Variants in ASH1L observed in about 807,000 individuals in gnomAD.
ASH1L encodes ASH1 like histone lysine methyltransferase, also known as histone-lysine N-methyltransferase ASH1L.
A neutral mutation model predicts 269.0 loss-of-function variants in ASH1L; 23 were observed. That is an observed-to-expected ratio of 0.09 (90% CI 0.06 to 0.12). The LOEUF (loss-of-function observed/expected upper bound fraction) is 0.12. Among genes scored for constraint, ASH1L ranks in the 10% least tolerant of loss-of-function variants. The pLI, the probability that ASH1L is intolerant of heterozygous loss-of-function variation, is 1.00. For missense variants in ASH1L, 2,912 were observed against 3,567.8 expected, an observed-to-expected ratio of 0.82 and a Z score of 4.68; for synonymous variants, 1,187 against 1,253.5, an observed-to-expected ratio of 0.95 and a Z score of 1.12.
rs541945534 is a variant in ASH1L, at chr1:155,475,020, T to C, written c.4984+2866A>G. Among the ~76,000 whole-genome samples the C allele has an allele frequency of 5.9e-5, 9 of 152,352 alleles. No homozygotes were observed. In the East Asian group the frequency reaches 1.7e-3, roughly 29 times the overall value. Reference sequence around the variant, plus strand: ...ATTCTTAACACATTGTTTGGTCTCTTCTTTTGCCACATTTCTCACTACTCT... The same window carrying C: ...ATTCTTAACACATTGTTTGGTCTCTCCTTTTGCCACATTTCTCACTACTCT... On this transcript the variant is annotated intron_variant, in intron 3 of 27. Transcript: ENST00000392403.
chr1:155,367,466 A>C (rs1296366376), intron 12 of ASH1L, among the ~76,000 whole-genome samples: 1 of 152,118 alleles, frequency 6.6e-6, no homozygotes, highest in East Asian at 1.9e-4. Context: ...ATGGTAGTTA[A>C]ATTTTTTTTC....
intron 7 of ASH1L, among the ~76,000 whole-genome samples, chr1:155,381,641 G>A (rs1558048934): frequency 1.3e-5 from 2 of 152,192 alleles, no homozygotes; most frequent in Admixed American, 6.5e-5. Context: ...TTGGGAGGCT[G>A]AGGCAGGCAG....
intron 3 of ASH1L, among the ~76,000 whole-genome samples, chr1:155,471,960 C>G (rs1469675420): frequency 6.6e-6 from 1 of 152,134 alleles, no homozygotes; most frequent in Non-Finnish European, 1.5e-5. Flanking sequence ...GCAGTGACTT[C>G]AGAGAGGTCT....
chr1:155,545,432 T>C (rs1348011323), intron 1 of ASH1L, among the ~76,000 whole-genome samples: 1 of 151,682 alleles, frequency 6.6e-6, no homozygotes, highest in Non-Finnish European at 1.5e-5. Flanking sequence ...TATATGAAGA[T>C]TTCCTTCATA....
At position 155,562,427 on chromosome 1, in the gene ASH1L, C is replaced by A; in HGVS notation, c.-374G>T. The A allele has an allele frequency of 7.4e-7, 1 of 1,350,356 alleles. No individual in the cohort carries two copies. Among genetic ancestry groups the A allele is most frequent in the Non-Finnish European group, 1.0e-6 (1 of 988,238 alleles). The allele number at this position is 1,350,356 out of a possible 1,614,324, so 83.6% of individuals were successfully genotyped here. A position where few individuals can be genotyped will look rare whatever the true frequency, so the allele number is the denominator to read the frequency against. ...AGCGAACCCAAAATGGCGGCGGGAG[C>A]GGCGGCGGCGGCGGCGGCAGCAGCA... is the stretch of plus-strand genomic sequence containing the variant. On this transcript the variant is annotated 5_prime_UTR_variant, in exon 1 of 28. Transcript: ENST00000392403.
In ASH1L at chr1:155,562,345, G is replaced by A. The variant is rs1672053126; in HGVS notation, c.-292C>T. On this transcript the variant is annotated 5_prime_UTR_variant, in exon 1 of 28. Coordinates refer to ENST00000392403, the MANE Select transcript of ASH1L (RefSeq NM_018489.3). Reference sequence around the variant, plus strand: ...AGGGAAAGGTGGAAGGCTAAAGGGGGCAAACTGAGGGGAGGCGGGTCCCGC... The same window carrying A: ...AGGGAAAGGTGGAAGGCTAAAGGGGACAAACTGAGGGGAGGCGGGTCCCGC... 7.1e-6 allele frequency: 11 copies of A among 1,545,620 alleles called. No individual in the cohort carries two copies. The highest frequency in any genetic ancestry group is 7.0e-5 in the East Asian group (3 of 43,012).
chr1:155,358,632 A>G (rs1275742973), intron 13 of ASH1L: 6 of 151,608 alleles, frequency 4.0e-5, no homozygotes, highest in South Asian at 4.2e-4. Context: ...AGCTTGCAGC[A>G]AGCCGAGATC....
chr1:155,437,151 T>C (rs993655988), intron 5 of ASH1L, among the ~76,000 whole-genome samples: 13 of 152,142 alleles, frequency 8.5e-5, no homozygotes, highest in Non-Finnish European at 1.8e-4. Flanking sequence ...AAAGACAGCA[T>C]AAACAAAGTA....
At chr1:155,493,898 T>A (rs555879257) in intron 2 of ASH1L, among the ~76,000 whole-genome samples, 1 of 152,194 alleles carries the variant, frequency 6.6e-6, no homozygotes, top group East Asian at 1.9e-4. Flanking sequence ...TTTTCATTTT[T>A]TCAGCAAGTA....
intron 6 of ASH1L, among the ~76,000 whole-genome samples, chr1:155,411,820 C>T (rs942034847): frequency 6.6e-6 from 1 of 151,008 alleles, no homozygotes; most frequent in Non-Finnish European, 1.5e-5. Flanking sequence ...GCCCCATACC[C>T]TAGAGAAAGG....
intron 6 of ASH1L, among the ~76,000 whole-genome samples, chr1:155,402,083 G>C (rs1272212170): frequency 6.6e-6 from 1 of 151,598 alleles, no homozygotes; most frequent in Non-Finnish European, 1.5e-5. Context: ...GAGCAAGACT[G>C]TCTAAAAAAA....
At position 155,488,668 on chromosome 1, in the gene ASH1L, CAAAAAAAAAAAAA is replaced by C. The variant is rs371829476; in HGVS notation, c.421-6232_421-6220del. Among the ~76,000 whole-genome samples, 44 of 29,202 alleles carry C rather than the reference CAAAAAAAAAAAAA, an allele frequency of 1.5e-3. No individual in the cohort carries two copies. The South Asian group carries it at 0.03, about 20-fold the overall frequency. The allele number at this position is 29,202 out of a possible 152,430, so 19.2% of individuals were successfully genotyped here. A position where few individuals can be genotyped will look rare whatever the true frequency, so the allele number is the denominator to read the frequency against. On this transcript the variant is annotated intron_variant, in intron 2 of 27. Coordinates refer to ENST00000392403, the MANE Select transcript of ASH1L (RefSeq NM_018489.3). The stretch of plus-strand genomic sequence containing the variant: ...TGGGCAACAGAGCAAGACTCTGTCA[CAAAAAAAAAAAAA>C]AAAAAAAAAAAAAAAAGATTTTGAA...
intron 26 of ASH1L, 97 bp from the exon 27 acceptor site, chr1:155,338,487 A>G: frequency 9.2e-7 from 1 of 1,088,682 alleles, no homozygotes; most frequent in Non-Finnish European, 1.3e-6. Flanking sequence ...CCTGGAGTCC[A>G]GCAGTTAGAG....
chr1:155,396,689 C>T (rs371223924), intron 6 of ASH1L, among the ~76,000 whole-genome samples: 2 of 151,578 alleles, frequency 1.3e-5, no homozygotes, highest in South Asian at 2.1e-4. Flanking sequence ...TTTGGCCGGG[C>T]GCAGTGGCTC....
Position 155,482,288 on chromosome 1 carries a change from A to G in ASH1L, c.582T>C (p.Ser194=). The change falls in exon 3 of 28, where the codon TCT becomes TCC. Residue 194 remains serine, a synonymous_variant. Coordinates refer to ENST00000392403, the MANE Select transcript of ASH1L (RefSeq NM_018489.3). ...EMADYINATP[S]TLLGSRDPDL... is the part of the protein sequence containing the mutation. ...CAGGATCCCGGCTACCAAGAAGAGT[A>G]GATGGCGTTGCATTAATATAATCTG... is the stretch of plus-strand genomic sequence containing the variant. 6.2e-7 allele frequency: 1 copy of G among 1,614,184 alleles called. No homozygotes were observed. Among genetic ancestry groups the G allele is most frequent in the Non-Finnish European group, 8.5e-7 (1 of 1,180,008 alleles).
In ASH1L at chr1:155,347,597, T is replaced by C; in HGVS notation, c.7803+59A>G. 25 of 1,600,222 alleles carry C rather than the reference T, an allele frequency of 1.6e-5. No homozygotes were observed. In the South Asian group the frequency reaches 1.8e-4, roughly 11 times the overall value. ...TCCAAAAGAGGCATGGGCTTCTTCT[T>C]TGAATATGGTCACCGTGTTCATCAG... On this transcript the variant is annotated intron_variant, in intron 20 of 27. Transcript: ENST00000392403.
intron 7 of ASH1L, among the ~76,000 whole-genome samples, chr1:155,394,875 A>G (rs1329496285): frequency 6.6e-6 from 1 of 152,176 alleles, no homozygotes; most frequent in African/African-American, 2.4e-5. Flanking sequence ...CTGAATGGCT[A>G]CTACTTGGTT....
Position 155,351,565 on chromosome 1 carries a change from T to C in ASH1L, c.7366+1141A>G, listed in dbSNP as rs559190889. Among the ~76,000 whole-genome samples the C allele has an allele frequency of 2.7e-5, 4 of 146,178 alleles. No individual in the cohort carries two copies. In the East Asian group the frequency reaches 8.2e-4, roughly 30 times the overall value. ...GAGACCCTGTCTAAAACAATAAAAA[T>C]AAAGGCCGGGCATGCTGGCTCACGC... On this transcript the variant is annotated intron_variant, in intron 17 of 27. Transcript: ENST00000392403.
At position 155,338,274 on chromosome 1, in the gene ASH1L, A is replaced by G. The variant is rs755431023; in HGVS notation, c.8618T>C (p.Ile2873Thr). 7.1e-5 allele frequency: 114 copies of G among 1,613,554 alleles called. No individual in the cohort carries two copies. The highest frequency in any genetic ancestry group is 9.6e-5 in the Non-Finnish European group (113 of 1,179,972). ...LASQEQAANEIPSLEEPEREG... is the reference protein window; with the variant it reads ...LASQEQAANETPSLEEPEREG... ...CCGTTCTGGCTCCTCCAGGCTGGGTATCTCATTGGCTGCTTGCTCTTGACT... is the reference window on the plus strand; with the variant it reads ...CCGTTCTGGCTCCTCCAGGCTGGGTGTCTCATTGGCTGCTTGCTCTTGACT... The change falls in exon 27 of 28, where the codon ATA (isoleucine) becomes ACA (threonine). Residue 2873 changes from isoleucine (I) to threonine (T), a missense_variant. Physicochemically the swap from Ile to Thr is moderately conservative, Grantham distance 89. Transcript: ENST00000392403.
Sources: allele counts gnomAD v4.1 joint callset (sites outside exome capture counted in the v4.1 genomes callset), GRCh38; gene constraint gnomAD v4.1.1; transcripts MANE v1.5; gene names NCBI Gene and HGNC (gene_info 2026-07-23, HGNC 2026-07-21).